Variants in DOCK9 observed in about 807,000 individuals in gnomAD.
DOCK9 encodes dedicator of cytokinesis protein 9.
Under a neutral mutation model 263.3 loss-of-function variants are expected in DOCK9, and 89 were observed. That is an observed-to-expected ratio of 0.34 (90% CI 0.28 to 0.40). The LOEUF (loss-of-function observed/expected upper bound fraction) is 0.40. Ranked by LOEUF, DOCK9 falls within the 10% of genes least tolerant of loss-of-function variation. DOCK9 has a pLI of 1.00. For missense variants in DOCK9, 2,140 were observed against 2,603.4 expected (o/e 0.82, Z 3.87); for synonymous variants, 976 against 973.1 (o/e 1.00, Z -0.06).
At chr13:98,954,402 G>A (rs976730806) in intron 2 of DOCK9, among the ~76,000 whole-genome samples, 1 of 152,170 alleles carries the variant, frequency 6.6e-6, no homozygotes, top group African/African-American at 2.4e-5. Flanking sequence ...CCTCCAAATG[G>A]ACCAAGGTGG....
Position 98,848,766 on chromosome 13 carries a change from A to G in DOCK9, c.4014-127T>C, listed in dbSNP as rs1014297075. 5.0e-6 allele frequency: 5 copies of G among 995,206 alleles called. No individual in the cohort carries two copies. In the African/African-American group the frequency reaches 8.2e-5, roughly 16 times the overall value. The allele number at this position is 995,206 out of a possible 1,614,324, so 61.6% of individuals were successfully genotyped here. A position where few individuals can be genotyped will look rare whatever the true frequency, so the allele number is the denominator to read the frequency against. On this transcript the variant is annotated intron_variant, in intron 36 of 52. Transcript: ENST00000682017. ...TAGTACCAGCATAAGTCACATCCTC[A>G]TTCATTCAGAATGGTTTTTGGGAGT... is the stretch of plus-strand genomic sequence containing the variant.
chr13:98,954,994 C>A (rs564377945), intron 2 of DOCK9, among the ~76,000 whole-genome samples: 115 of 152,152 alleles, frequency 7.6e-4, no homozygotes, highest in African/African-American at 2.6e-3. Context: ...ACTTTTCTTT[C>A]TTAAATAACA....
At chr13:98,840,958 T>C (rs1170458155) in intron 38 of DOCK9, among the ~76,000 whole-genome samples, 1 of 152,260 alleles carries the variant, frequency 6.6e-6, no homozygotes, top group Non-Finnish European at 1.5e-5. Flanking sequence ...CCTAGATACC[T>C]ATTAACTCAT....
intron 1 of DOCK9, among the ~76,000 whole-genome samples, chr13:99,054,911 G>A (rs1361745975): frequency 6.6e-6 from 1 of 152,132 alleles, no homozygotes; most frequent in Non-Finnish European, 1.5e-5. Context: ...GTTTTAAAGT[G>A]CCTTCTTCAC....
chr13:98,950,679 T>C (rs1250625757), intron 2 of DOCK9, among the ~76,000 whole-genome samples: 2 of 152,226 alleles, frequency 1.3e-5, no homozygotes, highest in African/African-American at 4.8e-5. Flanking sequence ...CTAATTTTTA[T>C]GAAATATGAA....
In DOCK9 at chr13:98,848,604, C is replaced by T. The variant is rs746143159; in HGVS notation, c.4049G>A (p.Arg1350Gln). ...CGCCCCACAGTACCTGGCTATGTAT[C>T]GCTTCCCCATGTACTGGAACTGGTG... is the stretch of plus-strand genomic sequence containing the variant. ...CLHQFQYMGK[R>Q]YIARNQEGLG... is the part of the protein sequence containing the mutation. The change falls in exon 37 of 53, where the codon CGA (arginine) becomes CAA (glutamine). Residue 1350 changes from arginine (R) to glutamine (Q), a missense_variant. By Grantham distance (43) the Arg-to-Gln change is conservative. Transcript: ENST00000682017. 12 of 1,612,210 alleles carry T rather than the reference C, an allele frequency of 7.4e-6. No individual in the cohort carries two copies. The highest frequency in any genetic ancestry group is 1.0e-5 in the Non-Finnish European group (12 of 1,179,338).
intron 1 of DOCK9, among the ~76,000 whole-genome samples, chr13:98,994,828 C>CAT (rs1880636324): frequency 6.6e-6 from 1 of 152,026 alleles, no homozygotes; most frequent in African/African-American, 2.4e-5. Context: ...AAATTAAGAA[C>CAT]ATATATATGG....
At chr13:98,983,207 C>T (rs1877628175) in intron 1 of DOCK9, among the ~76,000 whole-genome samples, 1 of 152,164 alleles carries the variant, frequency 6.6e-6, no homozygotes, top group African/African-American at 2.4e-5. Context: ...CATTCCTTTT[C>T]TCTTGTTCTG....
intron 33 of DOCK9, 34 bp downstream of exon 33, chr13:98,860,371 G>T (rs765087454): frequency 6.4e-7 from 1 of 1,557,072 alleles, no homozygotes; most frequent in Non-Finnish European, 8.7e-7. Flanking sequence ...CAGAGTGATG[G>T]TGGAGAGAAG....
intron 1 of DOCK9, among the ~76,000 whole-genome samples, chr13:99,005,638 TAACTA>T: frequency 6.6e-6 from 1 of 152,304 alleles, no homozygotes; most frequent in South Asian, 2.1e-4. Context: ...ATTAGGATCT[TAACTA>T]AACTATAAAT....
chr13:98,894,957 C>A (rs374046868), intron 15 of DOCK9, among the ~76,000 whole-genome samples: 89 of 73,380 alleles, frequency 1.2e-3, no homozygotes, highest in East Asian at 3.1e-3. Context: ...TACTAAAATA[C>A]AAAAAAAAAA....
At chr13:98,919,117 T>TA (rs1314344954) in intron 7 of DOCK9, among the ~76,000 whole-genome samples, 1 of 14,180 alleles carries the variant, frequency 7.1e-5, no homozygotes, top group Admixed American at 8.7e-4. Flanking sequence ...GCTGTTTCTC[T>TA]TTTTTTTTTT....
chr13:98,809,588 T>C lies in DOCK9; in HGVS notation c.5254-123A>G, dbSNP rs2091103052. The C allele has an allele frequency of 3.4e-5, 26 of 770,218 alleles. 1 individual carries two copies. The South Asian group carries it at 4.7e-4, about 14-fold the overall frequency. 47.7% of individuals were successfully genotyped at this position (770,218 alleles called of 1,614,324 possible). On this transcript the variant is annotated intron_variant, in intron 46 of 52. Transcript: ENST00000682017. ...TTGAATAAAAATACACACACACACATTTTGGCTGCACAACTTGTAGTGATC... is the reference window on the plus strand; with the variant it reads ...TTGAATAAAAATACACACACACACACTTTGGCTGCACAACTTGTAGTGATC...
chr13:99,084,677 A>G (rs2042260728), intron 1 of DOCK9, among the ~76,000 whole-genome samples: 1 of 152,180 alleles, frequency 6.6e-6, no homozygotes, highest in Non-Finnish European at 1.5e-5. Flanking sequence ...GGCTTATTAA[A>G]CCAGTACCTG....
At chr13:98,928,464 A>G (rs1365273641) in intron 3 of DOCK9, among the ~76,000 whole-genome samples, 1 of 152,232 alleles carries the variant, frequency 6.6e-6, no homozygotes, top group East Asian at 1.9e-4. Flanking sequence ...GCAGCATAGG[A>G]TGAAGCAGCT....
intron 45 of DOCK9, among the ~76,000 whole-genome samples, chr13:98,816,132 T>C (rs1262199180): frequency 1.3e-5 from 2 of 152,190 alleles, no homozygotes; most frequent in African/African-American, 4.8e-5. Flanking sequence ...AAAACAAATC[T>C]ATATAAATAG....
intron 27 of DOCK9, among the ~76,000 whole-genome samples, chr13:98,870,022 A>T (rs2094146431): frequency 6.6e-6 from 1 of 152,256 alleles, no homozygotes; most frequent in Non-Finnish European, 1.5e-5. Context: ...TGATTGTCCA[A>T]GAGAGAAATG....
At chr13:99,033,210 C>G (rs1312646953) in intron 1 of DOCK9, among the ~76,000 whole-genome samples, 1 of 152,172 alleles carries the variant, frequency 6.6e-6, no homozygotes, top group Non-Finnish European at 1.5e-5. Context: ...ATCATTCAGG[C>G]AGGACCAGTA....
intron 1 of DOCK9, among the ~76,000 whole-genome samples, chr13:98,997,083 G>A (rs955708847): frequency 1.3e-5 from 2 of 152,250 alleles, no homozygotes; most frequent in African/African-American, 4.8e-5. Context: ...CAAGAGGACA[G>A]TGGAAAAGAG....
Sources: allele counts gnomAD v4.1 joint callset (sites outside exome capture counted in the v4.1 genomes callset), GRCh38; gene constraint gnomAD v4.1.1; transcripts MANE v1.5; gene names NCBI Gene and HGNC (gene_info 2026-07-23, HGNC 2026-07-21).